TBC1D5: variants seen among roughly 807,000 people sequenced by gnomAD.
The protein encoded by TBC1D5 is TBC1 domain family member 5, also known as TBC1 domain family, member 5.
Under a neutral mutation model 100.3 loss-of-function variants are expected in TBC1D5, and 75 were observed. The observed-to-expected ratio is 0.75, with a 90% CI of 0.62 to 0.91. The LOEUF (loss-of-function observed/expected upper bound fraction) is 0.91. Ranked by LOEUF, TBC1D5 falls within the 40% of genes least tolerant of loss-of-function variation. The probability of loss-of-function intolerance (pLI) is 0.00; values close to 1 mark genes in which losing one functional copy is unlikely to be tolerated. For synonymous variants in TBC1D5, 323 were observed against 325.6 expected (o/e 0.99, Z 0.09); for missense variants, 910 against 942.4 (o/e 0.97, Z 0.45).
intron 1 of TBC1D5, among the ~76,000 whole-genome samples, chr3:17,695,711 T>C (rs1188917023): frequency 1.3e-5 from 2 of 152,182 alleles, no homozygotes; most frequent in African/African-American, 2.4e-5. Context: ...TTAACAAAGA[T>C]ATCTAGGACT....
At chr3:17,539,664 C>G (rs576221434) in intron 2 of TBC1D5, among the ~76,000 whole-genome samples, 83 of 152,238 alleles carry the variant, frequency 5.5e-4, no homozygotes, top group South Asian at 2.3e-3. Flanking sequence ...CTGATCACCC[C>G]CTCCCCATCA....
chr3:17,343,019 G>A (rs1158851557), intron 13 of TBC1D5, among the ~76,000 whole-genome samples: 1 of 152,242 alleles, frequency 6.6e-6, no homozygotes, highest in East Asian at 1.9e-4. Context: ...TAGGAGTGGT[G>A]AGAGAGGGCA....
chr3:17,398,364 A>G (rs2093562520), intron 8 of TBC1D5, among the ~76,000 whole-genome samples: 1 of 152,180 alleles, frequency 6.6e-6, no homozygotes, highest in South Asian at 2.1e-4. Flanking sequence ...GAGGAAGATA[A>G]TATTTAATAC....
Position 17,263,299 on chromosome 3 carries a change from G to C in TBC1D5, c.1246-4708C>G, listed in dbSNP as rs2078507839. Among the ~76,000 whole-genome samples, 4 of 140,650 alleles carry C rather than the reference G, an allele frequency of 2.8e-5. No homozygotes were observed. In the South Asian group the frequency reaches 9.1e-4, roughly 32 times the overall value. The allele number at this position is 140,650 out of a possible 152,430, so 92.3% of individuals were successfully genotyped here. On this transcript the variant is annotated intron_variant, in intron 15 of 21. Transcript: ENST00000253692. ...TAGAACAGCTTGAGTCTGGGAGGAG[G>C]AAGTTGCAGTGAGCTAAGATTGTGT...
chr3:17,265,485 A>G (rs886257480), intron 15 of TBC1D5, among the ~76,000 whole-genome samples: 1 of 152,174 alleles, frequency 6.6e-6, no homozygotes, highest in Non-Finnish European at 1.5e-5. Flanking sequence ...CTCTTTGATG[A>G]AAAATGAGAC....
At chr3:17,636,129 A>T (rs1215996020) in intron 1 of TBC1D5, among the ~76,000 whole-genome samples, 1 of 151,936 alleles carries the variant, frequency 6.6e-6, no homozygotes, top group African/African-American at 2.4e-5. Context: ...GGAGGCAGAG[A>T]TTGCAGTGAA....
chr3:17,655,208 A>T (rs561131942), intron 1 of TBC1D5, among the ~76,000 whole-genome samples: 16 of 151,360 alleles, frequency 1.1e-4, no homozygotes, highest in Non-Finnish European at 2.1e-4. Context: ...TCACAAGAAC[A>T]AAAAACCAAA....
At chr3:17,346,939 T>A (rs1302859091) in intron 13 of TBC1D5, among the ~76,000 whole-genome samples, 2 of 152,240 alleles carry the variant, frequency 1.3e-5, no homozygotes, top group Non-Finnish European at 2.9e-5. Flanking sequence ...CTAATTTGTA[T>A]AATATACTTG....
At chr3:17,275,454 C>G (rs997126127) in intron 15 of TBC1D5, among the ~76,000 whole-genome samples, 2 of 151,964 alleles carry the variant, frequency 1.3e-5, no homozygotes, top group Non-Finnish European at 2.9e-5. Context: ...TGGGGAGGAC[C>G]ACTTGAGCCC....
At chr3:17,482,263 C>T (rs976093800) in intron 3 of TBC1D5, among the ~76,000 whole-genome samples, 1 of 152,088 alleles carries the variant, frequency 6.6e-6, no homozygotes, top group African/African-American at 2.4e-5. Flanking sequence ...AGACAAAAAA[C>T]TTCTTAAAGT....
chr3:17,512,948 T>C (rs1325782764), intron 2 of TBC1D5, among the ~76,000 whole-genome samples: 1 of 152,180 alleles, frequency 6.6e-6, no homozygotes, highest in Non-Finnish European at 1.5e-5. Flanking sequence ...AAATAGTTAA[T>C]TTTTAATAAA....
intron 2 of TBC1D5, among the ~76,000 whole-genome samples, chr3:17,574,717 A>G (rs2153516973): frequency 1.3e-5 from 2 of 152,264 alleles, no homozygotes; most frequent in Middle Eastern, 6.8e-3. Context: ...AAAACAAAAC[A>G]GACCTCAGGC....
At chr3:17,382,754 G>A (rs950616509) in intron 9 of TBC1D5, among the ~76,000 whole-genome samples, 1 of 151,830 alleles carries the variant, frequency 6.6e-6, no homozygotes, top group African/African-American at 2.4e-5. Flanking sequence ...TAGAGATGGG[G>A]TTTCACCATG....
chr3:17,157,907 C>T (rs2065731255), exon 22 of TBC1D5: 1 of 144,614 alleles, frequency 6.9e-6, no homozygotes, highest in South Asian at 2.4e-4. Context: ...GCTGACAGCA[C>T]AAGAGTCAAC....
intron 2 of TBC1D5, among the ~76,000 whole-genome samples, chr3:17,585,956 A>T (rs1483042908): frequency 6.6e-6 from 1 of 152,146 alleles, no homozygotes; most frequent in Non-Finnish European, 1.5e-5. Context: ...CTTCTTTAAG[A>T]AATGGTGGGG....
At position 17,445,100 on chromosome 3, in the gene TBC1D5, G is replaced by A. The variant is rs557228892; in HGVS notation, c.98-16581C>T. ...TTTTCCCCTTATCAGTGGACATATG[G>A]CAACCCAGCTACAGACCATATTTCA... is the stretch of plus-strand genomic sequence containing the variant. On this transcript the variant is annotated intron_variant, in intron 3 of 21. Transcript: ENST00000253692. Among the ~76,000 whole-genome samples the A allele has an allele frequency of 7.2e-5, 11 of 152,218 alleles. No individual in the cohort carries two copies. In the South Asian group the frequency reaches 2.3e-3, roughly 32 times the overall value.
At chr3:17,325,819 G>A (rs947949654) in intron 13 of TBC1D5, among the ~76,000 whole-genome samples, 1 of 152,132 alleles carries the variant, frequency 6.6e-6, no homozygotes, top group Admixed American at 6.5e-5. Context: ...TTTACGTATT[G>A]ACTATAGACA....
chr3:17,226,517 C>T (rs1403827891), intron 17 of TBC1D5, among the ~76,000 whole-genome samples: 1 of 151,960 alleles, frequency 6.6e-6, no homozygotes, highest in Non-Finnish European at 1.5e-5. Flanking sequence ...GGAAACTGCC[C>T]GCAACTGAAG....
intron 4 of TBC1D5, among the ~76,000 whole-genome samples, chr3:17,417,634 T>C (rs531761710): frequency 9.2e-5 from 14 of 152,300 alleles, no homozygotes; most frequent in African/African-American, 3.1e-4. Flanking sequence ...CCATTGTGAA[T>C]AGTGCCGCAA....
Sources: allele counts gnomAD v4.1 joint callset (sites outside exome capture counted in the v4.1 genomes callset), GRCh38; gene constraint gnomAD v4.1.1; transcripts MANE v1.5; gene names NCBI Gene and HGNC (gene_info 2026-07-23, HGNC 2026-07-21).